ZNF730: variants seen among roughly 807,000 people sequenced by gnomAD.
ZNF730 encodes putative zinc finger protein 730.
A neutral mutation model predicts 12.6 loss-of-function variants in ZNF730; 12 were observed. The ratio of observed to expected loss-of-function variants is 0.95; its 90% CI spans 0.61 to 1.54. ZNF730 has a LOEUF of 1.54. Among genes scored for constraint, ZNF730 ranks in the 40% most tolerant of loss-of-function variants. The pLI is 0.00. For missense variants in ZNF730, 643 were observed against 583.5 expected, an observed-to-expected ratio of 1.10 and a Z score of -1.05; for synonymous variants, 194 against 195.8, an observed-to-expected ratio of 0.99 and a Z score of 0.08.
At chr19:23,113,296 A>T (rs1236802775), upstream of ZNF730, among the ~76,000 whole-genome samples, 1 of 152,184 alleles carries the variant, frequency 6.6e-6, no homozygotes, top group African/African-American at 2.4e-5. Context: ...AACTCTTCGT[A>T]TTATCCTCCT....
At chr19:23,139,823 C>A (rs1363819350) in intron 3 of ZNF730, among the ~76,000 whole-genome samples, 1 of 152,112 alleles carries the variant, frequency 6.6e-6, no homozygotes, top group Non-Finnish European at 1.5e-5. Flanking sequence ...CTGTGCTCAG[C>A]TGACAAATTC....
chr19:23,116,865 C>G (rs983111816), upstream of ZNF730: 3 of 546,334 alleles, frequency 5.5e-6, no homozygotes, highest in African/African-American at 1.9e-5. Context: ...CTGCAGCCTA[C>G]GCTGTCACTC....
Position 23,146,722 on chromosome 19 carries a change from A to C in ZNF730, c.*166A>C. ...GGTAATTCATACTGGAGAAAAACCTACAAATGTGAAGAATGTGGCAAAGTC... is the reference window on the plus strand; with the variant it reads ...GGTAATTCATACTGGAGAAAAACCTCCAAATGTGAAGAATGTGGCAAAGTC... On this transcript the variant is annotated 3_prime_UTR_variant, in exon 4 of 4. Coordinates refer to ENST00000597761, the MANE Select transcript of ZNF730 (RefSeq NM_001277403.2). 1 of 1,358,474 alleles carries C rather than the reference A, an allele frequency of 7.4e-7. No individual in the cohort carries two copies. Among genetic ancestry groups the C allele is most frequent in the Non-Finnish European group, 1.1e-6 (1 of 949,740 alleles). 84.2% of individuals were successfully genotyped at this position (1,358,474 alleles called of 1,614,324 possible). A position where few individuals can be genotyped will look rare whatever the true frequency, so the allele number is the denominator to read the frequency against.
intron 1 of ZNF730, among the ~76,000 whole-genome samples, chr19:23,083,759 T>G (rs1970009655): frequency 6.6e-6 from 1 of 152,186 alleles, no homozygotes; most frequent in Non-Finnish European, 1.5e-5. Context: ...CTACATATTT[T>G]TAATAGATTG....
rs182114833 is a variant in ZNF730, at chr19:23,077,995, A to G, written c.-94+2608A>G. Among the ~76,000 whole-genome samples, 44 of 152,320 alleles carry G rather than the reference A, an allele frequency of 2.9e-4. No individual in the cohort carries two copies. In the East Asian group the frequency reaches 7.5e-3, roughly 26 times the overall value. On this transcript the variant is annotated intron_variant, in intron 1 of 2. Transcript: ENST00000593635. ...CAGTATGCTTGTTAAAGTCATCACC[A>G]GTCTCTAATCTCAAGTACCCAGGGA...
intron 1 of ZNF730, chr19:23,098,501 C>G (rs1292470670): frequency 6.6e-6 from 1 of 152,206 alleles, no homozygotes; most frequent in Non-Finnish European, 1.5e-5. Flanking sequence ...ATGGGAGGCC[C>G]TGCCTCAGCC....
chr19:23,113,718 AAAT>A (rs1283072388), upstream of ZNF730, among the ~76,000 whole-genome samples: 2 of 152,166 alleles, frequency 1.3e-5, no homozygotes, highest in Non-Finnish European at 2.9e-5. Flanking sequence ...AAACCTTTAA[AAAT>A]AATAATAAAA....
chr19:23,101,706 A>C (rs1193486264), intron 1 of ZNF730, among the ~76,000 whole-genome samples: 2 of 152,158 alleles, frequency 1.3e-5, no homozygotes, highest in Non-Finnish European at 2.9e-5. Flanking sequence ...AGGAGCTGGG[A>C]GTACAGGCAT....
Position 23,146,328 on chromosome 19 carries a change from ATG to A in ZNF730, c.1287_1288del (p.Cys429TrpfsTer14). ...TGEKPYKCEE[C>X]GRAFNQSSTL... ...GAGAGAAACCCTACAAATGTGAAGA[ATG>A]TGGCAGAGCTTTCAACCAGTCCTCA... is the stretch of plus-strand genomic sequence containing the variant. On this transcript the variant is annotated frameshift_variant, in exon 4 of 4. Coordinates refer to ENST00000597761, the MANE Select transcript of ZNF730 (RefSeq NM_001277403.2). LOFTEE classifies it low-confidence loss of function (END_TRUNC). 1 of 1,613,832 alleles carries A rather than the reference ATG, an allele frequency of 6.2e-7. No individual in the cohort carries two copies. Among genetic ancestry groups the A allele is most frequent in the Non-Finnish European group, 8.5e-7 (1 of 1,179,930 alleles).
chr19:23,127,868 A>G (rs1019117145), intron 1 of ZNF730: 13 of 659,188 alleles, frequency 2.0e-5, no homozygotes, highest in Admixed American at 1.6e-4. Flanking sequence ...ATAGAAGAGG[A>G]TGTGATATTA....
At chr19:23,076,018 G>A (rs1256134223) in intron 1 of ZNF730, among the ~76,000 whole-genome samples, 1 of 151,750 alleles carries the variant, frequency 6.6e-6, no homozygotes, top group Non-Finnish European at 1.5e-5. Context: ...CAGAGGACTC[G>A]TTTTCCTCTG....
At chr19:23,138,916 T>C (rs759983398) in intron 3 of ZNF730, among the ~76,000 whole-genome samples, 3 of 152,198 alleles carry the variant, frequency 2.0e-5, no homozygotes, top group Non-Finnish European at 4.4e-5. Context: ...TTTCTTGCTG[T>C]AGGAAAATAA....
chr19:23,117,902 A>G (rs1235496349), intron 1 of ZNF730, among the ~76,000 whole-genome samples: 1 of 152,182 alleles, frequency 6.6e-6, no homozygotes, highest in Non-Finnish European at 1.5e-5. Context: ...TAAAGTAGGA[A>G]TCCAGGCATC....
chr19:23,123,752 T>G (rs1437911773), intron 1 of ZNF730: 1 of 152,562 alleles, frequency 6.6e-6, no homozygotes, highest in African/African-American at 2.4e-5. Context: ...TAATCTGAGT[T>G]TTTTCTTAAG....
At chr19:23,097,431 G>A (rs908113912) in intron 1 of ZNF730, among the ~76,000 whole-genome samples, 5 of 151,722 alleles carry the variant, frequency 3.3e-5, no homozygotes, top group Admixed American at 6.6e-5. Flanking sequence ...AACTCTTCTC[G>A]TCTTCATACA....
chr19:23,146,979 A>G lies in ZNF730; in HGVS notation c.*423A>G. ...GTGAGAAATTCTAGAAATATGAAGAATGTGACAAAGCCATTAAATTGTTGT... is the reference window on the plus strand; with the variant it reads ...GTGAGAAATTCTAGAAATATGAAGAGTGTGACAAAGCCATTAAATTGTTGT... On this transcript the variant is annotated 3_prime_UTR_variant, in exon 4 of 4. Coordinates refer to ENST00000597761, the MANE Select transcript of ZNF730 (RefSeq NM_001277403.2). 2 of 369,576 alleles carry G rather than the reference A, an allele frequency of 5.4e-6. No homozygotes were observed. Among genetic ancestry groups the G allele is most frequent in the Non-Finnish European group, 1.0e-5 (2 of 196,974 alleles). 22.9% of individuals were successfully genotyped at this position (369,576 alleles called of 1,614,324 possible).
At chr19:23,091,937 C>T (rs1405311195) in intron 1 of ZNF730, among the ~76,000 whole-genome samples, 1 of 151,988 alleles carries the variant, frequency 6.6e-6, no homozygotes, top group African/African-American at 2.4e-5. Flanking sequence ...TTTGGAGGGG[C>T]CAGGGGCAGA....
intron 1 of ZNF730, chr19:23,127,797 GCT>G: frequency 1.4e-6 from 1 of 739,452 alleles, no homozygotes; most frequent in Admixed American, 2.0e-5. Flanking sequence ...TTCCATCCTG[GCT>G]GCTCCACAGG....
chr19:23,127,812 G>A, intron 1 of ZNF730: 1 of 698,472 alleles, frequency 1.4e-6, no homozygotes, highest in Non-Finnish European at 2.6e-6. Context: ...TCCACAGGAT[G>A]ATAGTTTGTG....
Sources: allele counts gnomAD v4.1 joint callset (sites outside exome capture counted in the v4.1 genomes callset), GRCh38; gene constraint gnomAD v4.1.1; transcripts MANE v1.5; gene names NCBI Gene and HGNC (gene_info 2026-07-23, HGNC 2026-07-21).